IQGAP2: variants seen among roughly 807,000 people sequenced by gnomAD.
IQGAP2 encodes IQ motif containing GTPase activating protein 2, also known as ras GTPase-activating-like protein IQGAP2.
A neutral mutation model predicts 201.3 loss-of-function variants in IQGAP2; 173 were observed. The ratio of observed to expected loss-of-function variants is 0.86; its 90% CI spans 0.76 to 0.98. IQGAP2 has a LOEUF of 0.98. Among genes scored for constraint, IQGAP2 ranks in the 50% least tolerant of loss-of-function variants. IQGAP2 has a pLI of 0.00. For synonymous variants in IQGAP2, 675 were observed against 673.9 expected (o/e 1.00, Z -0.03); for missense variants, 1,687 against 1,864.8 (o/e 0.90, Z 1.76).
intron 2 of IQGAP2, among the ~76,000 whole-genome samples, chr5:76,472,373 G>A (rs570333781): frequency 2.0e-5 from 3 of 152,348 alleles, no homozygotes; most frequent in African/African-American, 7.2e-5. Context: ...TGGGGCCTCA[G>A]AGAGGTGTTG....
At chr5:76,564,535 T>C (rs1485088992) in intron 3 of IQGAP2, among the ~76,000 whole-genome samples, 4 of 152,204 alleles carry the variant, frequency 2.6e-5, no homozygotes, top group Non-Finnish European at 5.9e-5. Flanking sequence ...TTGTATACCT[T>C]GAATATAGGA....
chr5:76,609,352 C>T, intron 12 of IQGAP2: 1 of 877,574 alleles, frequency 1.1e-6, no homozygotes, highest in Non-Finnish European at 1.7e-6. Context: ...AATACTTAGA[C>T]TTTCCAGAGT....
chr5:76,480,569 T>G lies in IQGAP2; in HGVS notation c.146+18900T>G, dbSNP rs189196042. Among the ~76,000 whole-genome samples, 36 of 152,344 alleles carry G rather than the reference T, an allele frequency of 2.4e-4. No homozygotes were observed. The East Asian group carries it at 4.4e-3, about 19-fold the overall frequency. ...GTGTCATGTATAACAGAATAGCAGA[T>G]GGAGGAAGCTCAGTGTTTTTGTGTC... On this transcript the variant is annotated intron_variant, in intron 2 of 35. Transcript: ENST00000274364.
At chr5:76,529,762 A>G (rs1759182806) in intron 2 of IQGAP2, among the ~76,000 whole-genome samples, 1 of 151,812 alleles carries the variant, frequency 6.6e-6, no homozygotes, top group Non-Finnish European at 1.5e-5. Context: ...CTGTCCTTTG[A>G]CTCATTGTCC....
At chr5:76,590,295 C>A in intron 7 of IQGAP2, 113 bp from the exon 8 acceptor site, 1 of 797,408 alleles carries the variant, frequency 1.3e-6, no homozygotes, top group Non-Finnish European at 2.0e-6. Context: ...GACATATTTA[C>A]TGGAAGCCAA....
intron 13 of IQGAP2, among the ~76,000 whole-genome samples, chr5:76,622,739 G>T (rs1158483011): frequency 6.6e-6 from 1 of 152,192 alleles, no homozygotes. Context: ...GCTATTGAAA[G>T]CAGATGACTT....
chr5:76,579,530 T>G (rs1049516310), intron 5 of IQGAP2, among the ~76,000 whole-genome samples: 9 of 149,546 alleles, frequency 6.0e-5, no homozygotes, highest in African/African-American at 2.2e-4. Context: ...CCTGCCCCCC[T>G]TCCCCATTAC....
intron 13 of IQGAP2, among the ~76,000 whole-genome samples, chr5:76,614,778 T>G (rs1395395858): frequency 7.1e-6 from 1 of 141,446 alleles, no homozygotes; most frequent in East Asian, 2.4e-4. Context: ...CCTAGAAGTT[T>G]CCAGTTGTGT....
chr5:76,543,821 TTTTG>T (rs910716796), intron 2 of IQGAP2, among the ~76,000 whole-genome samples: 41 of 152,172 alleles, frequency 2.7e-4, no homozygotes, highest in Admixed American at 2.0e-4. Context: ...GTTTTTTGTT[TTTTG>T]TTTTTGTTTT....
At chr5:76,449,550 A>G (rs1281956798) in intron 1 of IQGAP2, among the ~76,000 whole-genome samples, 1 of 152,218 alleles carries the variant, frequency 6.6e-6, no homozygotes. Flanking sequence ...CAGAAGAAAC[A>G]CATTCTGTTG....
chr5:76,403,640 TC>T lies in IQGAP2; in HGVS notation c.46+53del. On this transcript the variant is annotated intron_variant, in intron 1 of 35. Coordinates refer to ENST00000274364, the MANE Select transcript of IQGAP2 (RefSeq NM_006633.5). The surrounding 1 kb of genome is among the most constrained non-coding windows in gnomAD (Gnocchi z 4.8). ...TTCCTGCTGGCCTTGGGGAGCTCCC[TC>T]CCCGAGGACGGCGTTGGAGAAGCCG... 1.4e-6 allele frequency: 2 copies of T among 1,416,992 alleles called. No homozygotes were observed. The highest frequency in any genetic ancestry group is 1.9e-6 in the Non-Finnish European group (2 of 1,074,432). 87.8% of individuals were successfully genotyped at this position (1,416,992 alleles called of 1,614,324 possible).
At chr5:76,588,662 T>A (rs572909372) in intron 5 of IQGAP2, among the ~76,000 whole-genome samples, 2 of 152,148 alleles carry the variant, frequency 1.3e-5, no homozygotes, top group African/African-American at 4.8e-5. Context: ...TAGCTGGCTC[T>A]GTAGAAGTGC....
intron 20 of IQGAP2, among the ~76,000 whole-genome samples, chr5:76,657,190 A>G (rs1397494240): frequency 6.6e-6 from 1 of 152,248 alleles, no homozygotes; most frequent in East Asian, 1.9e-4. Context: ...CTGTTAATAC[A>G]TATGAAGAGA....
intron 28 of IQGAP2, among the ~76,000 whole-genome samples, chr5:76,680,794 T>TAAAA (rs755958579): frequency 8.7e-6 from 1 of 115,534 alleles, no homozygotes; most frequent in East Asian, 2.4e-4. Flanking sequence ...TTGTCTCATT[T>TAAAA]AAAAAAAAAA....
Position 76,627,466 on chromosome 5 carries a change from T to A in IQGAP2, c.1578T>A (p.Asp526Glu). Reference protein sequence around the residue: ...LWLDEIQQAVDDANVDKDRAK... With the variant: ...LWLDEIQQAVEDANVDKDRAK... ...TGGATGAGATACAGCAAGCCGTCGATGATGCCAACGTGGACAAGGACAGAG... is the reference window on the plus strand; with the variant it reads ...TGGATGAGATACAGCAAGCCGTCGAAGATGCCAACGTGGACAAGGACAGAG... The change falls in exon 14 of 36, where the codon GAT (aspartate) becomes GAA (glutamate). Residue 526 changes from aspartate (D) to glutamate (E), a missense_variant. By Grantham distance (45) the Asp-to-Glu change is conservative (BLOSUM62 2). Coordinates refer to ENST00000274364, the MANE Select transcript of IQGAP2 (RefSeq NM_006633.5). The A allele has an allele frequency of 1.2e-6, 2 of 1,600,280 alleles. No individual in the cohort carries two copies. The highest frequency in any genetic ancestry group is 1.7e-6 in the Non-Finnish European group (2 of 1,167,466).
chr5:76,692,184 C>T (rs1580834212), intron 30 of IQGAP2, among the ~76,000 whole-genome samples: 1 of 152,292 alleles, frequency 6.6e-6, no homozygotes, highest in East Asian at 1.9e-4. Flanking sequence ...TGGTATCTCA[C>T]TCTGTCACCC....
At chr5:76,669,971 C>T (rs930161205) in intron 23 of IQGAP2, among the ~76,000 whole-genome samples, 3 of 152,092 alleles carry the variant, frequency 2.0e-5, no homozygotes, top group Admixed American at 6.5e-5. Flanking sequence ...TACAGGTACC[C>T]GCCACCACGC....
intron 2 of IQGAP2, among the ~76,000 whole-genome samples, chr5:76,523,156 C>T (rs1758789206): frequency 7.3e-6 from 1 of 137,182 alleles, no homozygotes; most frequent in Admixed American, 8.1e-5. Flanking sequence ...GTGATCATGG[C>T]TTACTGCAGC....
At chr5:76,617,572 G>T (rs1241043038) in intron 13 of IQGAP2, 3 of 1,593,804 alleles carry the variant, frequency 1.9e-6, no homozygotes, top group South Asian at 2.3e-5. Context: ...TGTTCTCTAA[G>T]ATCATTTCAC....
Sources: allele counts gnomAD v4.1 joint callset (sites outside exome capture counted in the v4.1 genomes callset), GRCh38; gene constraint gnomAD v4.1.1; non-coding constraint Gnocchi (gnomAD v3.1); transcripts MANE v1.5; gene names NCBI Gene and HGNC (gene_info 2026-07-23, HGNC 2026-07-21).